The following NDUFS1 variants were observed in gnomAD, a reference collection of about 807,000 sequenced individuals.
NDUFS1 encodes NADH-ubiquinone oxidoreductase 75 kDa subunit, mitochondrial.
A neutral mutation model predicts 84.4 loss-of-function variants in NDUFS1; 61 were observed. That is an observed-to-expected ratio of 0.72 (90% confidence interval 0.59 to 0.89). NDUFS1 has a LOEUF of 0.89. Ranked by LOEUF, NDUFS1 falls within the 40% of genes least tolerant of loss-of-function variation. The pLI is 0.00. For missense variants in NDUFS1, 891 were observed against 890.0 expected (o/e 1.00, Z -0.01); for synonymous variants, 275 against 290.0 (o/e 0.95, Z 0.53).
intron 11 of NDUFS1, 130 bp downstream of exon 11, chr2:206,142,556 G>T: frequency 8.8e-7 from 1 of 1,131,978 alleles, no homozygotes; most frequent in Non-Finnish European, 1.3e-6. Flanking sequence ...TACAACTTCT[G>T]GTTTGATCTT....
intron 15 of NDUFS1, among the ~76,000 whole-genome samples, chr2:206,129,404 A>G (rs1422821324): frequency 6.6e-6 from 1 of 152,048 alleles, no homozygotes; most frequent in Non-Finnish European, 1.5e-5. Context: ...CTGGGATCAC[A>G]GACATGCAGC....
Position 206,115,784 on chromosome 2 carries a change from T to C in NDUFS1, c.*8401A>G. 5.0e-6 allele frequency: 2 copies of C among 399,376 alleles called. No individual in the cohort carries two copies. Among genetic ancestry groups the C allele is most frequent in the Non-Finnish European group, 9.5e-6 (2 of 210,144 alleles). The allele number at this position is 399,376 out of a possible 1,614,324, so 24.7% of individuals were successfully genotyped here. ...TGGACATACACAAGTTACAATATTA[T>C]ATAAGGCTTAAGAATAACAACATTA... On this transcript the variant is annotated 3_prime_UTR_variant, in exon 19 of 19. Transcript: ENST00000233190.
chr2:206,147,848 G>C lies in NDUFS1; in HGVS notation c.339-14C>G. 3.1e-6 allele frequency: 5 copies of C among 1,604,140 alleles called. No individual in the cohort carries two copies. The highest frequency in any genetic ancestry group is 4.3e-6 in the Non-Finnish European group (5 of 1,171,086). On this transcript the variant is annotated splice_polypyrimidine_tract_variant and intron_variant, in intron 5 of 18. Coordinates refer to ENST00000233190, the MANE Select transcript of NDUFS1 (RefSeq NM_005006.7). Reference sequence around the variant, plus strand: ...ATCACACCTTCCCTGTATGAAAATTGTAACATATAAAATGACTCTCAAATA... The same window carrying C: ...ATCACACCTTCCCTGTATGAAAATTCTAACATATAAAATGACTCTCAAATA...
intron 12 of NDUFS1, among the ~76,000 whole-genome samples, chr2:206,139,848 A>G (rs1283346006): frequency 1.3e-5 from 2 of 148,862 alleles, no homozygotes; most frequent in African/African-American, 5.0e-5. Flanking sequence ...AAAGCATGCT[A>G]GAAAATAACT....
intron 16 of NDUFS1, chr2:206,127,447 G>C (rs1691336517): frequency 9.0e-6 from 2 of 222,194 alleles, no homozygotes; most frequent in Non-Finnish European, 9.0e-6. Context: ...GCGCCCGGGA[G>C]GTGGAGGTTG....
chr2:206,143,847 T>G (rs190530053), intron 10 of NDUFS1, among the ~76,000 whole-genome samples, 171 bp downstream of exon 10: 1 of 144,664 alleles, frequency 6.9e-6, no homozygotes, highest in Admixed American at 6.7e-5. Flanking sequence ...TATCCCTTAA[T>G]AGCATAATAT....
In NDUFS1 at chr2:206,138,603, T is replaced by C. The variant is rs751285350; in HGVS notation, c.1274A>G (p.Asn425Ser). Residue 425 changes from asparagine (N) to serine (S), a missense_variant, in exon 13 of 19, where the codon AAT becomes AGT. Asn to Ser is a conservative substitution (Grantham distance 46). Transcript: ENST00000233190. ...NARIRKSWLH[N>S]DLKVALIGSP... ...GCCTATAAGGGCCACTTTTAAGTCATTATGCAGCCAGCTGAAATAAAAACA... is the reference window on the plus strand; with the variant it reads ...GCCTATAAGGGCCACTTTTAAGTCACTATGCAGCCAGCTGAAATAAAAACA... 6 of 1,614,026 alleles carry C rather than the reference T, an allele frequency of 3.7e-6. No individual in the cohort carries two copies. Among genetic ancestry groups the C allele is most frequent in the Non-Finnish European group, 5.1e-6 (6 of 1,179,924 alleles).
rs1040792126 is a variant in NDUFS1 at position 206,146,966 on chromosome 2, A to G, written c.674T>C (p.Ile225Thr). The G allele has an allele frequency of 2.5e-5, 40 of 1,614,050 alleles. No individual in the cohort carries two copies. The highest frequency in any genetic ancestry group is 6.7e-5 in the East Asian group (3 of 44,892). The change falls in exon 8 of 19, where the codon ATC (isoleucine) becomes ACC (threonine). Residue 225 changes from isoleucine (I) to threonine (T), a missense_variant. By Grantham distance (89) the Ile-to-Thr change is moderately conservative. Coordinates refer to ENST00000233190, the MANE Select transcript of NDUFS1 (RefSeq NM_005006.7). The stretch of plus-strand genomic sequence containing the variant: ...AGAGGTTAGGGCACCTACAGGGCAG[A>G]TATCAATGATATTCCCAGACAGTTC... ...MSELSGNIID[I>T]CPVGALTSKP... is the part of the protein sequence containing the mutation.
Position 206,115,568 on chromosome 2 carries a change from A to G in NDUFS1, c.*8617T>C, listed in dbSNP as rs1690922553. Reference sequence around the variant, plus strand: ...TAAATTTTTTTTTTTTTTAACGAAGAAGTGAGTATTTTATTATTTTGCTGT... The same window carrying G: ...TAAATTTTTTTTTTTTTTAACGAAGGAGTGAGTATTTTATTATTTTGCTGT... On this transcript the variant is annotated 3_prime_UTR_variant, in exon 19 of 19. Transcript: ENST00000233190. 1 of 177,242 alleles carries G rather than the reference A, an allele frequency of 5.6e-6. No individual in the cohort carries two copies. The highest frequency in any genetic ancestry group is 2.4e-5 in the African/African-American group (1 of 41,542). 11.0% of individuals were successfully genotyped at this position (177,242 alleles called of 1,614,324 possible). A position where few individuals can be genotyped will look rare whatever the true frequency, so the allele number is the denominator to read the frequency against.
chr2:206,158,395 C>T (rs1185932199), intron 1 of NDUFS1, among the ~76,000 whole-genome samples: 1 of 152,210 alleles, frequency 6.6e-6, no homozygotes, highest in Non-Finnish European at 1.5e-5. Context: ...GGCTTAAAAG[C>T]CTTTTCTCAG....
At chr2:206,129,793 T>C (rs549607559) in intron 15 of NDUFS1, among the ~76,000 whole-genome samples, 1 of 152,060 alleles carries the variant, frequency 6.6e-6, no homozygotes, top group Non-Finnish European at 1.5e-5. Flanking sequence ...GGTTTTACCA[T>C]GTTGGTCAGG....
chr2:206,143,317 G>C (rs574079659), intron 10 of NDUFS1, among the ~76,000 whole-genome samples: 2 of 152,304 alleles, frequency 1.3e-5, no homozygotes, highest in East Asian at 1.9e-4. Context: ...AAAAGCTGCA[G>C]AGGTGTTATG....
intron 9 of NDUFS1, 25 bp from the exon 10 acceptor site, chr2:206,144,157 G>C: frequency 6.6e-7 from 1 of 1,518,458 alleles, no homozygotes; most frequent in Non-Finnish European, 9.1e-7. Context: ...TTACACCATT[G>C]TGGAATCTTG....
chr2:206,128,594 A>G (rs1368816943), intron 15 of NDUFS1, among the ~76,000 whole-genome samples: 4 of 151,892 alleles, frequency 2.6e-5, no homozygotes, highest in East Asian at 3.9e-4. Context: ...CCTGGCCAAC[A>G]TGGCAAAACT....
In NDUFS1 at chr2:206,124,243, T is replaced by A; in HGVS notation, c.2126A>T (p.Lys709Ile). The change falls in exon 19 of 19, where the codon AAA becomes ATA. Residue 709 changes from lysine to isoleucine, a missense_variant. Physicochemically the swap from Lys to Ile is moderately radical, Grantham distance 102. Coordinates refer to ENST00000233190, the MANE Select transcript of NDUFS1 (RefSeq NM_005006.7). ...ACCCTCTGTGACAGCTTTGACACAT[T>A]TGGCCATTGTCTGTGAGGCTCTGCT... ...SISRASQTMA[K>I]CVKAVTEGAQ... The A allele has an allele frequency of 6.2e-7, 1 of 1,613,506 alleles. No homozygotes were observed. The highest frequency in any genetic ancestry group is 8.5e-7 in the Non-Finnish European group (1 of 1,179,412).
chr2:206,123,932 C>T lies in NDUFS1; in HGVS notation c.*253G>A, dbSNP rs577268344. The T allele has an allele frequency of 1.8e-5, 7 of 385,174 alleles. No individual in the cohort carries two copies. The highest frequency in any genetic ancestry group is 1.2e-4 in the African/African-American group (6 of 48,318). The allele number at this position is 385,174 out of a possible 1,614,324, so 23.9% of individuals were successfully genotyped here. ...CATAATTTAAGGATCTCTTTATGTT[C>T]GTCACAAAGGTTATCAATGCTTTTA... On this transcript the variant is annotated 3_prime_UTR_variant, in exon 19 of 19. Transcript: ENST00000233190.
At position 206,146,952 on chromosome 2, in the gene NDUFS1, C is replaced by T; in HGVS notation, c.688G>A (p.Ala230Thr). The stretch of plus-strand genomic sequence containing the variant: ...AAGGCATAGGGCTTAGAGGTTAGGG[C>T]ACCTACAGGGCAGATATCAATGATA... Reference protein sequence around the residue: ...GNIIDICPVGALTSKPYAFTA... With the variant: ...GNIIDICPVGTLTSKPYAFTA... The change falls in exon 8 of 19, where the codon GCC becomes ACC. Residue 230 changes from alanine to threonine, a missense_variant. Physicochemically the swap from Ala to Thr is moderately conservative, Grantham distance 58. Coordinates refer to ENST00000233190, the MANE Select transcript of NDUFS1 (RefSeq NM_005006.7). The T allele has an allele frequency of 1.2e-6, 2 of 1,614,110 alleles. No individual in the cohort carries two copies. Among genetic ancestry groups the T allele is most frequent in the African/African-American group, 1.3e-5 (1 of 75,038 alleles).
intron 10 of NDUFS1, 136 bp from the exon 11 acceptor site, chr2:206,142,967 C>A: frequency 8.1e-7 from 1 of 1,234,616 alleles, no homozygotes. Flanking sequence ...AGTTTTACAA[C>A]ATGCCCAGGC....
In NDUFS1 at chr2:206,115,731, A is replaced by G. The variant is rs1334376876; in HGVS notation, c.*8454T>C. 12 of 407,012 alleles carry G rather than the reference A, an allele frequency of 2.9e-5. No individual in the cohort carries two copies. The highest frequency in any genetic ancestry group is 1.9e-4 in the African/African-American group (9 of 48,316). The allele number at this position is 407,012 out of a possible 1,614,324, so 25.2% of individuals were successfully genotyped here. ...CCCAGTTATTTCCAATGGAAAGATCATTAAGTATTTCATCCCAAGTCCAGG... is the reference window on the plus strand; with the variant it reads ...CCCAGTTATTTCCAATGGAAAGATCGTTAAGTATTTCATCCCAAGTCCAGG... On this transcript the variant is annotated 3_prime_UTR_variant, in exon 19 of 19. Transcript: ENST00000233190.
Sources: gnomAD v4.1 joint callset for allele counts (sites outside exome capture counted in the v4.1 genomes callset) on GRCh38, gnomAD v4.1.1 for gene constraint, MANE v1.5 for transcripts, NCBI Gene and HGNC (gene_info 2026-07-23, HGNC 2026-07-21) for gene names.